The following LGR6 variants were observed in gnomAD, a reference collection of about 807,000 sequenced individuals.
The protein encoded by LGR6 is leucine rich repeat containing G protein-coupled receptor 6.
A neutral mutation model predicts 69.4 loss-of-function variants in LGR6; 45 were observed. That is an observed-to-expected ratio of 0.65 (90% CI 0.51 to 0.83). LGR6 has a LOEUF of 0.83. LGR6 is among the 40% of genes least tolerant of loss of function. LGR6 has a pLI of 0.00. For synonymous variants in LGR6, 538 were observed against 555.0 expected, an observed-to-expected ratio of 0.97 and a Z score of 0.43; for missense variants, 1,108 against 1,246.7, an observed-to-expected ratio of 0.89 and a Z score of 1.68.
intron 9 of LGR6, among the ~76,000 whole-genome samples, 164 bp downstream of exon 9, chr1:202,301,399 C>T (rs1667584054): frequency 6.6e-6 from 1 of 152,192 alleles, no homozygotes; most frequent in South Asian, 2.1e-4. Flanking sequence ...CAGACCCGTT[C>T]CCACCTCTTT....
intron 4 of LGR6, among the ~76,000 whole-genome samples, chr1:202,271,080 C>T (rs1022284344): frequency 3.9e-5 from 6 of 152,136 alleles, no homozygotes; most frequent in South Asian, 2.1e-4. Context: ...CGTGGGAGAA[C>T]GAGAGGCGCT....
intron 4 of LGR6, among the ~76,000 whole-genome samples, chr1:202,258,992 T>C (rs1383565095): frequency 1.3e-5 from 2 of 152,082 alleles, no homozygotes; most frequent in Non-Finnish European, 2.9e-5. Context: ...TTTACATTTT[T>C]TTAAATTAGA....
chr1:202,235,727 C>T (rs113388542), intron 3 of LGR6, among the ~76,000 whole-genome samples, 195 bp from the exon 4 acceptor site: 1 of 152,162 alleles, frequency 6.6e-6, no homozygotes, highest in African/African-American at 2.4e-5. Context: ...ATGTACAACA[C>T]CCCAGGGACC....
rs1654480147 is a variant in LGR6 at position 202,319,740 on chromosome 1, T to C, written c.*533T>C. The C allele has an allele frequency of 6.5e-6, 1 of 153,428 alleles. No homozygotes were observed. Among genetic ancestry groups the C allele is most frequent in the Admixed American group, 6.5e-5 (1 of 15,488 alleles). 9.5% of individuals were successfully genotyped at this position (153,428 alleles called of 1,614,324 possible). ...AGATTCACAGTGCATGTTAGTGTAA[T>C]AAAGAGATAAGTCCTACAGTAGTAA... On this transcript the variant is annotated 3_prime_UTR_variant, in exon 18 of 18. Coordinates refer to ENST00000367278, the MANE Select transcript of LGR6 (RefSeq NM_001017403.2).
chr1:202,207,647 G>A (rs1019809545), intron 1 of LGR6, among the ~76,000 whole-genome samples: 3 of 152,132 alleles, frequency 2.0e-5, no homozygotes, highest in African/African-American at 7.2e-5. Context: ...AAACCCCAGA[G>A]CCACTCCACC....
At chr1:202,201,972 G>A (rs902828749) in intron 1 of LGR6, among the ~76,000 whole-genome samples, 1 of 152,196 alleles carries the variant, frequency 6.6e-6, no homozygotes, top group Non-Finnish European at 1.5e-5. Context: ...CCAGGTGCAC[G>A]TGAGAAGTGA....
chr1:202,304,426 G>C, intron 10 of LGR6, 133 bp from the exon 11 acceptor site: 1 of 532,644 alleles, frequency 1.9e-6, no homozygotes, highest in Non-Finnish European at 3.3e-6. Flanking sequence ...CCCCTGCCCT[G>C]TCTCTCCCTC....
chr1:202,237,748 C>T (rs930886749), intron 4 of LGR6, among the ~76,000 whole-genome samples: 4 of 152,086 alleles, frequency 2.6e-5, no homozygotes, highest in African/African-American at 9.7e-5. Flanking sequence ...GTCAAGTCCC[C>T]CACTCCCCCA....
chr1:202,238,761 C>G (rs1030597637), intron 4 of LGR6, among the ~76,000 whole-genome samples: 60 of 150,712 alleles, frequency 4.0e-4, no homozygotes, highest in Non-Finnish European at 3.1e-4. Context: ...TTTGAGGTGG[C>G]AGAACCAGAG....
intron 15 of LGR6, 39 bp from the exon 16 acceptor site, chr1:202,310,158 A>T (rs1653601202): frequency 1.9e-6 from 3 of 1,609,024 alleles, no homozygotes; most frequent in Non-Finnish European, 2.5e-6. Context: ...GACCCCAAAG[A>T]TGCTGAGGCA....
intron 6 of LGR6, among the ~76,000 whole-genome samples, chr1:202,293,018 A>G (rs142399099): frequency 1.3e-5 from 2 of 152,312 alleles, no homozygotes; most frequent in East Asian, 1.9e-4. Context: ...GCTTTCCTCA[A>G]CTGTCAAATG....
intron 3 of LGR6, among the ~76,000 whole-genome samples, chr1:202,235,409 C>T (rs775960773): frequency 5.3e-5 from 8 of 152,170 alleles, no homozygotes; most frequent in African/African-American, 1.7e-4. Flanking sequence ...TGGAGTACTT[C>T]GAATTGTTCC....
chr1:202,218,439 T>G lies in LGR6; in HGVS notation c.213-6984T>G, dbSNP rs536492323. ...TCAGCCTTCCAAGTAGCTGGGACCC[T>G]AGGTGTGTGCCACCGGGTCTGGCTA... On this transcript the variant is annotated intron_variant, in intron 1 of 17. Coordinates refer to ENST00000367278, the MANE Select transcript of LGR6 (RefSeq NM_001017403.2). Among the ~76,000 whole-genome samples the G allele has an allele frequency of 4.5e-3, 688 of 152,264 alleles. 8 individuals are homozygous for G. Among genetic ancestry groups the G allele is most frequent in the African/African-American group, 0.016 (656 of 41,548 alleles).
chr1:202,311,961 G>C lies in LGR6; in HGVS notation c.1567+1604G>C, dbSNP rs893559608. Among the ~76,000 whole-genome samples, 23 of 152,334 alleles carry C rather than the reference G, an allele frequency of 1.5e-4. 1 individual carries two copies. In the East Asian group the frequency reaches 4.5e-3, roughly 29 times the overall value. On this transcript the variant is annotated intron_variant, in intron 16 of 17. Transcript: ENST00000367278. ...GAGGAGCAGCCCAGCAGCCTGGCTG[G>C]CTCTGGGCCAGCAGACAGCTGTCCC...
At chr1:202,266,632 C>T (rs1433167395) in intron 4 of LGR6, among the ~76,000 whole-genome samples, 1 of 152,170 alleles carries the variant, frequency 6.6e-6, no homozygotes. Flanking sequence ...ACCCTCTGCT[C>T]AGCACAGATG....
At chr1:202,287,579 A>G (rs962086647) in intron 6 of LGR6, among the ~76,000 whole-genome samples, 3 of 152,216 alleles carry the variant, frequency 2.0e-5, no homozygotes, top group African/African-American at 4.8e-5. Flanking sequence ...ACAAATATCC[A>G]GACTTCCAGA....
At chr1:202,249,089 C>T (rs1046491592) in intron 4 of LGR6, among the ~76,000 whole-genome samples, 6 of 152,110 alleles carry the variant, frequency 3.9e-5, no homozygotes, top group Non-Finnish European at 7.4e-5. Context: ...TACCACTCAC[C>T]GAGGCTCCAC....
chr1:202,266,160 T>G (rs1571924699), intron 4 of LGR6, among the ~76,000 whole-genome samples: 1 of 151,620 alleles, frequency 6.6e-6, no homozygotes, highest in East Asian at 1.9e-4. Context: ...AAGAATATTA[T>G]CCAAATGGTA....
intron 4 of LGR6, among the ~76,000 whole-genome samples, chr1:202,267,717 T>C (rs1179094847): frequency 6.6e-6 from 1 of 152,204 alleles, no homozygotes; most frequent in Non-Finnish European, 1.5e-5. Context: ...ATATAAAAGC[T>C]AAGGTTTTTA....
Sources: allele counts gnomAD v4.1 joint callset (sites outside exome capture counted in the v4.1 genomes callset), GRCh38; gene constraint gnomAD v4.1.1; transcripts MANE v1.5; gene names NCBI Gene and HGNC (gene_info 2026-07-23, HGNC 2026-07-21).